STOX2: variants seen among roughly 807,000 people sequenced by gnomAD.
The protein encoded by STOX2 is storkhead-box protein 2.
STOX2 carries 28 observed loss-of-function variants against 60.9 expected under a neutral mutation model. The observed-to-expected ratio is 0.46, with a 90% CI of 0.34 to 0.63. The LOEUF is 0.63. Among genes scored for constraint, STOX2 ranks in the 30% least tolerant of loss-of-function variants. The probability of loss-of-function intolerance (pLI) is 0.01; values close to 1 mark genes in which losing one functional copy is unlikely to be tolerated. For missense variants in STOX2, 1,024 were observed against 1,187.7 expected (o/e 0.86, Z 2.03); for synonymous variants, 472 against 463.9 (o/e 1.02, Z -0.22).
intron 1 of STOX2, among the ~76,000 whole-genome samples, chr4:183,839,048 T>TGC (rs1483807973): frequency 5.5e-5 from 8 of 145,848 alleles, no homozygotes; most frequent in Admixed American, 2.1e-4. Flanking sequence ...CAGGTACACA[T>TGC]GCACACACAC....
intron 1 of STOX2, among the ~76,000 whole-genome samples, chr4:183,929,863 T>G (rs1373575722): frequency 6.6e-6 from 1 of 151,466 alleles, no homozygotes; most frequent in Non-Finnish European, 1.5e-5. Context: ...GCTATATAAC[T>G]TTTTTCTTCT....
At chr4:183,921,026 T>A (rs189041068) in intron 1 of STOX2, among the ~76,000 whole-genome samples, 49 of 152,370 alleles carry the variant, frequency 3.2e-4, no homozygotes, top group Non-Finnish European at 5.9e-4. Context: ...TTTTCTTGAC[T>A]TTTTTAGTTA....
chr4:183,899,419 T>C (rs1302841628), intron 1 of STOX2, among the ~76,000 whole-genome samples: 2 of 152,216 alleles, frequency 1.3e-5, no homozygotes, highest in Non-Finnish European at 1.5e-5. Flanking sequence ...AGCCAAGTTA[T>C]GAATGCCACG....
intron 1 of STOX2, among the ~76,000 whole-genome samples, chr4:183,829,113 G>A (rs1739502025): frequency 1.3e-5 from 2 of 152,154 alleles, no homozygotes; most frequent in African/African-American, 4.8e-5. Flanking sequence ...TAAGAAACAA[G>A]AGAATTTAGA....
intron 1 of STOX2, among the ~76,000 whole-genome samples, chr4:183,972,446 G>A (rs1377357162): frequency 6.6e-6 from 1 of 152,104 alleles, no homozygotes; most frequent in African/African-American, 2.4e-5. Flanking sequence ...TCCTGGACTC[G>A]CTTCTGAGCT....
At chr4:183,956,420 G>A (rs917218217) in intron 1 of STOX2, among the ~76,000 whole-genome samples, 6 of 144,164 alleles carry the variant, frequency 4.2e-5, no homozygotes, top group African/African-American at 8.1e-5. Context: ...CCTATCTGTC[G>A]ATCTATCATT....
chr4:183,844,830 T>C (rs1177306889), intron 1 of STOX2, among the ~76,000 whole-genome samples: 1 of 152,232 alleles, frequency 6.6e-6, no homozygotes, highest in Non-Finnish European at 1.5e-5. Flanking sequence ...TCTTGAGTAA[T>C]TTGTTAGACA....
At chr4:183,867,334 A>C (rs1381639571) in intron 1 of STOX2, among the ~76,000 whole-genome samples, 1 of 152,246 alleles carries the variant, frequency 6.6e-6, no homozygotes, top group African/African-American at 2.4e-5. Context: ...GGATAAACAG[A>C]GATTTCAAAA....
intron 1 of STOX2, among the ~76,000 whole-genome samples, chr4:183,968,948 A>C (rs1028475720): frequency 2.6e-5 from 4 of 152,254 alleles, no homozygotes; most frequent in African/African-American, 9.6e-5. Flanking sequence ...TGTATAGGCG[A>C]GAATATTTTA....
At chr4:184,000,616 A>G (rs1176675158) in intron 1 of STOX2, among the ~76,000 whole-genome samples, 1 of 152,316 alleles carries the variant, frequency 6.6e-6, no homozygotes. Context: ...ACATCTGCTT[A>G]TAGGTCCCAG....
rs902735226 is a variant in STOX2 at position 184,019,509 on chromosome 4, G to A, written c.*2225G>A. 8.5e-5 allele frequency: 13 copies of A among 152,148 alleles called. No homozygotes were observed. Among genetic ancestry groups the A allele is most frequent in the African/African-American group, 2.4e-4 (10 of 41,422 alleles). The allele number at this position is 152,148 out of a possible 1,614,324, so 9.4% of individuals were successfully genotyped here. The stretch of plus-strand genomic sequence containing the variant: ...GCCTCTAGCTGATCCTCTGAAAGTA[G>A]CCATTGAAATAATCGAATACTGTGT... On this transcript the variant is annotated 3_prime_UTR_variant, in exon 4 of 4. Transcript: ENST00000308497.
At chr4:183,952,074 ACT>A (rs527362142) in intron 1 of STOX2, among the ~76,000 whole-genome samples, 33 of 152,196 alleles carry the variant, frequency 2.2e-4, no homozygotes, top group African/African-American at 7.7e-4. Context: ...GGACTTCCAC[ACT>A]CTCTTTCTTG....
intron 1 of STOX2, among the ~76,000 whole-genome samples, chr4:183,840,623 G>C (rs1016033072): frequency 6.6e-6 from 1 of 152,106 alleles, no homozygotes; most frequent in Non-Finnish European, 1.5e-5. Context: ...TTTCCCCTCG[G>C]TCTCCTAGAA....
intron 1 of STOX2, among the ~76,000 whole-genome samples, chr4:183,846,140 G>A (rs1015812229): frequency 1.3e-5 from 2 of 152,102 alleles, no homozygotes; most frequent in African/African-American, 2.4e-5. Context: ...TTGCCTTCTG[G>A]CCTCCGTGGC....
chr4:183,807,110 C>T (rs548295737), intron 1 of STOX2, among the ~76,000 whole-genome samples: 4 of 152,158 alleles, frequency 2.6e-5, no homozygotes, highest in East Asian at 3.9e-4. Context: ...GTAGCTGGGA[C>T]TGCAGGCGAC....
At chr4:183,899,407 T>C (rs952624669) in intron 1 of STOX2, among the ~76,000 whole-genome samples, 2 of 152,172 alleles carry the variant, frequency 1.3e-5, no homozygotes, top group African/African-American at 4.8e-5. Context: ...TGTGCCAAAG[T>C]CAGCCAAGTT....
intron 1 of STOX2, among the ~76,000 whole-genome samples, chr4:183,953,551 A>G (rs1175774072): frequency 1.4e-5 from 2 of 145,966 alleles, no homozygotes; most frequent in Non-Finnish European, 3.0e-5. Context: ...ACTATTTATG[A>G]GGTATACATG....
At chr4:183,892,434 A>G (rs1014043664) in intron 1 of STOX2, among the ~76,000 whole-genome samples, 2 of 151,784 alleles carry the variant, frequency 1.3e-5, no homozygotes, top group South Asian at 2.1e-4. Context: ...GCCCGCCACC[A>G]CGCCCGGCTA....
At position 183,865,848 on chromosome 4, in the gene STOX2, T is replaced by A. The variant is rs1740551587; in HGVS notation, c.364+67793T>A. The stretch of plus-strand genomic sequence containing the variant: ...CAGAATTTGATTTGGGGGTCATTTT[T>A]TGGAAGGCTTTTTTCTTTTTAACCA... On this transcript the variant is annotated intron_variant, in intron 1 of 2. Coordinates refer to the STOX2 transcript ENST00000513034. This position sits in a 1 kb window ranked among gnomAD's most constrained non-coding sequence, Gnocchi z 4.1. Among the ~76,000 whole-genome samples, 1 of 152,168 alleles carries A rather than the reference T, an allele frequency of 6.6e-6. No homozygotes were observed. Among genetic ancestry groups the A allele is most frequent in the Admixed American group, 6.5e-5 (1 of 15,278 alleles).
Sources: gnomAD v4.1 joint callset for allele counts (sites outside exome capture counted in the v4.1 genomes callset) on GRCh38, gnomAD v4.1.1 for gene constraint, Gnocchi (gnomAD v3.1) non-coding constraint, MANE v1.5 for transcripts, NCBI Gene and HGNC (gene_info 2026-07-23, HGNC 2026-07-21) for gene names.